PTGER3: variants seen among roughly 807,000 people sequenced by gnomAD.
PTGER3 encodes prostaglandin E2 receptor EP3 subtype.
In PTGER3, 22 loss-of-function variants were observed where a neutral mutation model predicts 34.7. The observed-to-expected ratio is 0.63, with a 90% CI of 0.45 to 0.91. The LOEUF is 0.91. Among genes scored for constraint, PTGER3 ranks in the 40% least tolerant of loss-of-function variants. PTGER3 has a pLI of 0.00. For missense variants in PTGER3, 468 were observed against 519.4 expected (o/e 0.90, Z 0.96); for synonymous variants, 241 against 230.1 (o/e 1.05, Z -0.43).
At chr1:70,865,554 A>C (rs1426085155) in intron 4 of PTGER3, 3 of 1,134,462 alleles carry the variant, frequency 2.6e-6, no homozygotes, top group Non-Finnish European at 2.3e-6. Context: ...TGACTTATAA[A>C]ATCAGGCCAC....
intron 4 of PTGER3, chr1:70,886,351 GT>G: frequency 2.2e-6 from 1 of 445,424 alleles, no homozygotes; most frequent in South Asian, 1.6e-5. Context: ...AATTTCTGTT[GT>G]TTAAGCCACC....
chr1:70,984,844 G>A lies in PTGER3; in HGVS notation c.1078-10456C>T, dbSNP rs530151816. On this transcript the variant is annotated intron_variant, in intron 2 of 3. Coordinates refer to ENST00000306666, the MANE Select transcript of PTGER3 (RefSeq NM_198719.2). ...AGATGTATTTTCCAAAAACAGTTAAGAATAAAGTTACACAATTTAGAAAAA... is the reference window on the plus strand; with the variant it reads ...AGATGTATTTTCCAAAAACAGTTAAAAATAAAGTTACACAATTTAGAAAAA... 5.3e-5 allele frequency among the ~76,000 whole-genome samples: 8 copies of A among 152,214 alleles called. No individual in the cohort carries two copies. In the South Asian group the frequency reaches 1.7e-3, roughly 32 times the overall value.
chr1:70,913,752 C>T (rs989687572), intron 4 of PTGER3, among the ~76,000 whole-genome samples: 1 of 151,414 alleles, frequency 6.6e-6, no homozygotes, highest in Non-Finnish European at 1.5e-5. Flanking sequence ...GGTTTTTCTT[C>T]TTGAGTCTGT....
chr1:70,970,704 CAAG>C (rs1325641070), downstream of PTGER3: 9 of 303,556 alleles, frequency 3.0e-5, no homozygotes, highest in South Asian at 7.9e-4. Context: ...AAAAAAAGGA[CAAG>C]AAGAAGAAAA....
At chr1:70,934,202 G>A (rs1240750846) in intron 4 of PTGER3, among the ~76,000 whole-genome samples, 1 of 152,102 alleles carries the variant, frequency 6.6e-6, no homozygotes, top group Non-Finnish European at 1.5e-5. Flanking sequence ...ACAAATTAGA[G>A]CACACACTAA....
intron 4 of PTGER3, among the ~76,000 whole-genome samples, chr1:70,926,991 T>A (rs1648158478): frequency 6.6e-6 from 1 of 152,268 alleles, no homozygotes. Flanking sequence ...ATTTATTGAT[T>A]TGTGTATATT....
chr1:70,947,680 A>C (rs1650345417), downstream of PTGER3, among the ~76,000 whole-genome samples: 2 of 152,240 alleles, frequency 1.3e-5, no homozygotes, highest in African/African-American at 4.8e-5. Context: ...CTTTCCCACT[A>C]CTGTAGATTT....
chr1:70,966,753 T>C (rs1490005894), downstream of PTGER3, among the ~76,000 whole-genome samples: 1 of 152,172 alleles, frequency 6.6e-6, no homozygotes, highest in African/African-American at 2.4e-5. Context: ...TCCAGCTTCA[T>C]TCATGTCCCT....
At chr1:70,918,005 C>T (rs983787279) in intron 4 of PTGER3, among the ~76,000 whole-genome samples, 1 of 151,852 alleles carries the variant, frequency 6.6e-6, no homozygotes, top group African/African-American at 2.4e-5. Context: ...AAATGCTTCT[C>T]CCATAGTAAC....
At chr1:70,935,899 A>C (rs1466189697) in intron 4 of PTGER3, among the ~76,000 whole-genome samples, 2 of 152,014 alleles carry the variant, frequency 1.3e-5, no homozygotes, top group African/African-American at 4.8e-5. Context: ...GTAAGCTGGG[A>C]AAAGGGAATA....
chr1:71,014,343 C>T (rs896410001), intron 1 of PTGER3, among the ~76,000 whole-genome samples: 2 of 152,168 alleles, frequency 1.3e-5, no homozygotes, highest in African/African-American at 4.8e-5. Context: ...AGTCTGTGAA[C>T]TCTTCTTTTC....
intron 4 of PTGER3, among the ~76,000 whole-genome samples, chr1:70,941,930 T>C (rs1295563260): frequency 6.6e-6 from 1 of 152,124 alleles, no homozygotes; most frequent in Non-Finnish European, 1.5e-5. Context: ...TCCTTAAAAA[T>C]CCTCAAATTT....
chr1:71,035,072 G>T (rs1284471865), intron 1 of PTGER3, among the ~76,000 whole-genome samples: 1 of 152,180 alleles, frequency 6.6e-6, no homozygotes, highest in African/African-American at 2.4e-5. Flanking sequence ...ATTATTAAGG[G>T]TGTTCAACAA....
chr1:70,861,331 A>G (rs898639798), intron 4 of PTGER3, among the ~76,000 whole-genome samples: 1 of 152,238 alleles, frequency 6.6e-6, no homozygotes, highest in African/African-American at 2.4e-5. Flanking sequence ...CCTTCAGAAT[A>G]CATTTCTAAC....
intron 2 of PTGER3, among the ~76,000 whole-genome samples, chr1:70,964,771 T>A (rs1652334033): frequency 6.6e-6 from 1 of 152,212 alleles, no homozygotes; most frequent in South Asian, 2.1e-4. Flanking sequence ...TCTTGAATTA[T>A]CTTGAATTAT....
At chr1:70,871,090 G>A (rs1646152415) in intron 4 of PTGER3, among the ~76,000 whole-genome samples, 1 of 152,016 alleles carries the variant, frequency 6.6e-6, no homozygotes, top group Non-Finnish European at 1.5e-5. Context: ...CCTGAGACTG[G>A]GTAATTTATT....
At chr1:70,862,471 G>T (rs1482226385) in intron 4 of PTGER3, 20 of 888,596 alleles carry the variant, frequency 2.3e-5, no homozygotes, top group Non-Finnish European at 3.2e-5. Context: ...GAAGTGAATG[G>T]ATAATTTGGA....
chr1:70,883,155 A>G (rs1483224117), intron 4 of PTGER3, among the ~76,000 whole-genome samples: 1 of 152,190 alleles, frequency 6.6e-6, no homozygotes, highest in African/African-American at 2.4e-5. Flanking sequence ...GGTCATACAA[A>G]ATAGCACAGT....
chr1:71,046,859 A>G lies in PTGER3; in HGVS notation c.719T>C (p.Leu240Ser). 1 of 1,614,058 alleles carries G rather than the reference A, an allele frequency of 6.2e-7. No individual in the cohort carries two copies. The highest frequency in any genetic ancestry group is 8.5e-7 in the Non-Finnish European group (1 of 1,180,012). ...GCAGGAAAAGGTGACTGTCAGCGCC[A>G]AGAGCCCCAGGAAGGCAAAGGCAGA... Reference protein sequence around the residue: ...FASAFAFLGLLALTVTFSCNL... With the variant: ...FASAFAFLGLSALTVTFSCNL... The change falls in exon 1 of 4, where the codon TTG becomes TCG. Residue 240 changes from leucine (L) to serine (S), a missense_variant. Leu to Ser is a moderately radical substitution (Grantham distance 145). This residue lies in a region of PTGER3 where 204 missense variants were observed against 230.8 expected (regional missense o/e 0.88). Transcript: ENST00000306666.
Sources: gnomAD v4.1 joint callset for allele counts (sites outside exome capture counted in the v4.1 genomes callset) on GRCh38, gnomAD v4.1.1 for gene constraint, gnomAD v4.1.1 regional missense constraint, MANE v1.5 for transcripts, NCBI Gene and HGNC (gene_info 2026-07-23, HGNC 2026-07-21) for gene names.